The following CFAP299 variants were observed in gnomAD, a reference collection of about 807,000 sequenced individuals.
The protein encoded by CFAP299 is cilia- and flagella-associated protein 299.
In CFAP299, 21 loss-of-function variants were observed where a neutral mutation model predicts 27.0. The ratio of observed to expected loss-of-function variants is 0.78; its 90% CI spans 0.55 to 1.12. CFAP299 has a LOEUF of 1.12. CFAP299 is among the 50% of genes most tolerant of loss of function. CFAP299 has a pLI of 0.00. For missense variants in CFAP299, 310 were observed against 276.6 expected (o/e 1.12, Z -0.86); for synonymous variants, 104 against 98.1 (o/e 1.06, Z -0.36).
intron 4 of CFAP299, chr4:80,871,023 C>T: frequency 2.0e-6 from 1 of 499,858 alleles, no homozygotes; most frequent in Non-Finnish European, 2.6e-6. Flanking sequence ...TCTCTTGTCT[C>T]AGCCTCCCAT....
intron 2 of CFAP299, among the ~76,000 whole-genome samples, chr4:80,417,220 A>G (rs371710045): frequency 2.0e-5 from 3 of 152,254 alleles, no homozygotes; most frequent in South Asian, 4.1e-4. Context: ...ATGCTAATAC[A>G]TTGTAATGAG....
chr4:80,480,355 G>C (rs1730499974), intron 2 of CFAP299, among the ~76,000 whole-genome samples: 1 of 151,858 alleles, frequency 6.6e-6, no homozygotes, highest in African/African-American at 2.4e-5. Flanking sequence ...GCTCTGCAGA[G>C]GGTACGCAAA....
intron 4 of CFAP299, among the ~76,000 whole-genome samples, chr4:80,875,732 A>T (rs1330266500): frequency 6.6e-6 from 1 of 151,968 alleles, no homozygotes; most frequent in Non-Finnish European, 1.5e-5. Context: ...CTGCTTCCTC[A>T]GATGGGGCAT....
intron 5 of CFAP299, among the ~76,000 whole-genome samples, chr4:80,946,180 G>C (rs895426180): frequency 6.6e-6 from 1 of 151,888 alleles, no homozygotes; most frequent in Non-Finnish European, 1.5e-5. Flanking sequence ...ATGATTACCT[G>C]AAATGAGATA....
chr4:80,665,244 T>C, intron 3 of CFAP299, among the ~76,000 whole-genome samples: 1 of 152,254 alleles, frequency 6.6e-6, no homozygotes, highest in Admixed American at 6.5e-5. Context: ...TAGCAACCTT[T>C]GGCAAAAGCT....
At chr4:80,771,084 G>T (rs917921894) in intron 3 of CFAP299, among the ~76,000 whole-genome samples, 1 of 152,074 alleles carries the variant, frequency 6.6e-6, no homozygotes, top group Non-Finnish European at 1.5e-5. Context: ...GTTATCCTAG[G>T]CATGCGTAAC....
chr4:80,551,951 G>T (rs896524334), intron 2 of CFAP299, among the ~76,000 whole-genome samples: 1 of 152,062 alleles, frequency 6.6e-6, no homozygotes, highest in Non-Finnish European at 1.5e-5. Flanking sequence ...GTTTCACCAT[G>T]TTGGCCAGGA....
At chr4:80,743,694 A>C (rs1201136568) in intron 3 of CFAP299, among the ~76,000 whole-genome samples, 1 of 152,232 alleles carries the variant, frequency 6.6e-6, no homozygotes, top group Non-Finnish European at 1.5e-5. Flanking sequence ...AAATGCACTT[A>C]TTAGGACAAA....
chr4:80,510,487 A>G (rs1002407528), intron 2 of CFAP299, among the ~76,000 whole-genome samples: 1 of 152,182 alleles, frequency 6.6e-6, no homozygotes, highest in Non-Finnish European at 1.5e-5. Flanking sequence ...TCTTGAGATC[A>G]GACTGAAATA....
chr4:80,775,345 T>C (rs1726473887), intron 3 of CFAP299, among the ~76,000 whole-genome samples: 1 of 152,036 alleles, frequency 6.6e-6, no homozygotes, highest in Admixed American at 6.6e-5. Context: ...CTTATGCTTC[T>C]CGTATATCTA....
chr4:80,719,487 ATG>A (rs1342865935), intron 3 of CFAP299, among the ~76,000 whole-genome samples: 1 of 152,194 alleles, frequency 6.6e-6, no homozygotes, highest in Non-Finnish European at 1.5e-5. Flanking sequence ...TTTGCAACGT[ATG>A]TGAGTTCCAC....
chr4:80,608,263 A>C, intron 3 of CFAP299: 1 of 1,021,908 alleles, frequency 9.8e-7, no homozygotes, highest in Non-Finnish European at 1.5e-6. Context: ...TTCAAGCTAT[A>C]CTTTAGATAG....
chr4:80,745,691 C>G (rs1484768253), intron 3 of CFAP299, among the ~76,000 whole-genome samples: 1 of 151,946 alleles, frequency 6.6e-6, no homozygotes, highest in Non-Finnish European at 1.5e-5. Flanking sequence ...GACTCATTAA[C>G]TAAAGTACAT....
intron 2 of CFAP299, among the ~76,000 whole-genome samples, chr4:80,383,723 A>T (rs1240349015): frequency 6.6e-6 from 1 of 152,216 alleles, no homozygotes; most frequent in Non-Finnish European, 1.5e-5. Context: ...TTTCTAATTT[A>T]TCAAAGTTTA....
chr4:80,428,402 G>A (rs1223363391), intron 2 of CFAP299, among the ~76,000 whole-genome samples: 3 of 152,162 alleles, frequency 2.0e-5, no homozygotes, highest in African/African-American at 7.2e-5. Flanking sequence ...GTAGCAGCAT[G>A]TTTTAACCAG....
rs556570989 is a variant in CFAP299 at position 80,858,250 on chromosome 4, G to A, written c.334-11743G>A. ...TTTGTATTTCTGTGGGATCGGTGGT[G>A]ATATCCCCTTTATCATTTTTTATTG... On this transcript the variant is annotated intron_variant, in intron 3 of 5. Transcript: ENST00000358105. Among the ~76,000 whole-genome samples the A allele has an allele frequency of 2.5e-3, 376 of 152,058 alleles. 1 individual carries two copies. The highest frequency in any genetic ancestry group is 5.8e-3 in the Admixed American group (89 of 15,270).
At chr4:80,543,522 G>T (rs1734098241) in intron 2 of CFAP299, among the ~76,000 whole-genome samples, 1 of 152,176 alleles carries the variant, frequency 6.6e-6, no homozygotes, top group Non-Finnish European at 1.5e-5. Flanking sequence ...TGAAGTTAGG[G>T]AAATTAGAAA....
intron 5 of CFAP299, among the ~76,000 whole-genome samples, chr4:80,962,853 C>T (rs1220506785): frequency 1.3e-4 from 20 of 151,688 alleles, no homozygotes; most frequent in Non-Finnish European, 1.5e-5. Flanking sequence ...CATTTTTTTT[C>T]TCCTCTGAGC....
intron 3 of CFAP299, among the ~76,000 whole-genome samples, chr4:80,858,439 G>T (rs1275335753): frequency 6.6e-6 from 1 of 151,868 alleles, no homozygotes; most frequent in African/African-American, 2.4e-5. Context: ...GTTATTTCTT[G>T]CCTTCTGTTA....
Sources: allele counts gnomAD v4.1 joint callset (sites outside exome capture counted in the v4.1 genomes callset), GRCh38; gene constraint gnomAD v4.1.1; transcripts MANE v1.5; gene names NCBI Gene and HGNC (gene_info 2026-07-23, HGNC 2026-07-21).